The following MIA3 variants were observed in gnomAD, a reference collection of about 807,000 sequenced individuals.
The protein encoded by MIA3 is transport and Golgi organization protein 1 homolog.
In MIA3, 90 loss-of-function variants were observed where a neutral mutation model predicts 192.4. The observed-to-expected ratio is 0.47, with a 90% CI of 0.39 to 0.56. The LOEUF is 0.56. Ranked by LOEUF, MIA3 falls within the 20% of genes least tolerant of loss-of-function variation. MIA3 has a pLI of 0.00. For missense variants in MIA3, 2,123 were observed against 2,269.4 expected, an observed-to-expected ratio of 0.94 and a Z score of 1.31; for synonymous variants, 740 against 792.8, an observed-to-expected ratio of 0.93 and a Z score of 1.12.
rs1200448086 is a variant in MIA3 at position 222,652,348 on chromosome 1, T to A, written c.4086+16T>A. 6.5e-7 allele frequency: 1 copy of A among 1,530,080 alleles called. No homozygotes were observed. The highest frequency in any genetic ancestry group is 9.1e-7 in the Non-Finnish European group (1 of 1,103,822). 94.8% of individuals were successfully genotyped at this position (1,530,080 alleles called of 1,614,324 possible). A position where few individuals can be genotyped will look rare whatever the true frequency, so the allele number is the denominator to read the frequency against. On this transcript the variant is annotated intron_variant, in intron 13 of 27. Transcript: ENST00000344922. ...AAAAGAGCAGGTAAAGGAAAGTGCG[T>A]GTCCCAGGTCATGTAAAATAGAGAA...
At chr1:222,644,162 T>C (rs1282682194) in intron 6 of MIA3, 6 of 566,338 alleles carry the variant, frequency 1.1e-5, no homozygotes, top group African/African-American at 7.7e-5. Context: ...CACTTCCGCC[T>C]CTTTTTACTG....
At chr1:222,635,859 A>G (rs1407657763) in intron 6 of MIA3, among the ~76,000 whole-genome samples, 3 of 152,182 alleles carry the variant, frequency 2.0e-5, no homozygotes, top group African/African-American at 4.8e-5. Context: ...ACCGGTTCCT[A>G]GTGTAAGCCG....
intron 20 of MIA3, 42 bp downstream of exon 20, chr1:222,659,555 T>C: frequency 2.5e-6 from 4 of 1,611,730 alleles, no homozygotes; most frequent in Non-Finnish European, 3.4e-6. Context: ...CCGGAATTCT[T>C]TGATAACTAA....
At position 222,629,933 on chromosome 1, in the gene MIA3, C is replaced by T. The variant is rs1662318028; in HGVS notation, c.2713C>T (p.His905Tyr). ...TGCAGAACCTGAAGATGACTCGTTCCACTGGACTCCACATACAAGTGTAGA... is the reference window on the plus strand; with the variant it reads ...TGCAGAACCTGAAGATGACTCGTTCTACTGGACTCCACATACAAGTGTAGA... ...AAAEPEDDSF[H>Y]WTPHTSVEPG... is the part of the protein sequence containing the mutation. The change falls in exon 4 of 28, where the codon CAC (histidine) becomes TAC (tyrosine). Residue 905 changes from histidine to tyrosine, a missense_variant. This residue lies in a region of MIA3 where 1,357 missense variants were observed against 1,396.1 expected (regional missense o/e 0.97). Transcript: ENST00000344922. 6 of 1,613,988 alleles carry T rather than the reference C, an allele frequency of 3.7e-6. No homozygotes were observed. The African/African-American group carries it at 5.3e-5, about 14-fold the overall frequency.
chr1:222,649,214 T>C (rs538967842), intron 8 of MIA3: 54 of 162,686 alleles, frequency 3.3e-4, no homozygotes, highest in Admixed American at 3.8e-4. Flanking sequence ...GAAATATAAA[T>C]CAGCACGCCT....
At chr1:222,649,087 G>T (rs928437827) in intron 8 of MIA3, among the ~76,000 whole-genome samples, 8 of 152,060 alleles carry the variant, frequency 5.3e-5, no homozygotes, top group African/African-American at 1.9e-4. Flanking sequence ...ATTAATTTGG[G>T]GCAGATTGAC....
At chr1:222,648,765 G>A in intron 7 of MIA3, 64 bp from the exon 8 acceptor site, 1 of 937,168 alleles carries the variant, frequency 1.1e-6, no homozygotes, top group East Asian at 2.5e-5. Context: ...AGTTGTATTA[G>A]AAACTATATA....
At chr1:222,651,899 TTTC>T (rs1663457298) in intron 11 of MIA3, 75 bp from the exon 12 acceptor site, 10 of 840,790 alleles carry the variant, frequency 1.2e-5, no homozygotes, top group Middle Eastern at 2.5e-4. Flanking sequence ...TTTGTTGATG[TTTC>T]TTCTTCTTAG....
chr1:222,628,783 T>C lies in MIA3; in HGVS notation c.1563T>C (p.Tyr521=). 2.5e-6 allele frequency: 4 copies of C among 1,614,094 alleles called. No individual in the cohort carries two copies. Among genetic ancestry groups the C allele is most frequent in the Non-Finnish European group, 3.4e-6 (4 of 1,180,030 alleles). ...EKGKDTLKSA[Y]DDTENDLKGA... Reference sequence around the variant, plus strand: ...GTAAAGACACATTAAAATCAGCTTATGATGATACAGAAAATGACCTAAAAG... The same window carrying C: ...GTAAAGACACATTAAAATCAGCTTACGATGATACAGAAAATGACCTAAAAG... Residue 521 remains tyrosine (Y), a synonymous_variant, in exon 4 of 28, where the codon TAT becomes TAC. Transcript: ENST00000344922.
At chr1:222,648,724 T>C (rs758712678) in intron 7 of MIA3, 105 bp from the exon 8 acceptor site, 69 of 741,568 alleles carry the variant, frequency 9.3e-5, no homozygotes, top group Non-Finnish European at 1.3e-4. Context: ...ACCAAAGTTT[T>C]ATTAAATTCT....
chr1:222,664,237 C>T, intron 27 of MIA3, 89 bp downstream of exon 27: 1 of 1,386,438 alleles, frequency 7.2e-7, no homozygotes, highest in Non-Finnish European at 1.0e-6. Context: ...AATTGCGGGG[C>T]TTTGCAATGC....
chr1:222,641,377 A>G, intron 6 of MIA3: 1 of 377,876 alleles, frequency 2.6e-6, no homozygotes, highest in Non-Finnish European at 5.2e-6. Context: ...GCCATGCCCA[A>G]GGGGTATCCC....
rs527315526 is a variant in MIA3 at position 222,626,529 on chromosome 1, C to A, written c.355-1046C>A. The stretch of plus-strand genomic sequence containing the variant: ...AAAGTTATCTTTGTTGGTTTTTTAA[C>A]TTTTCCATCATTTTATGGCTCCTTG... On this transcript the variant is annotated intron_variant, in intron 3 of 27. Coordinates refer to ENST00000344922, the MANE Select transcript of MIA3 (RefSeq NM_198551.4). Among the ~76,000 whole-genome samples the A allele has an allele frequency of 4.1e-4, 63 of 152,274 alleles. No individual in the cohort carries two copies. The East Asian group carries it at 0.011, about 28-fold the overall frequency.
At chr1:222,634,234 T>C (rs891301630) in intron 6 of MIA3, among the ~76,000 whole-genome samples, 1 of 151,940 alleles carries the variant, frequency 6.6e-6, no homozygotes, top group Non-Finnish European at 1.5e-5. Flanking sequence ...GGCAGGAGAA[T>C]AGCTTGAGCC....
intron 6 of MIA3, among the ~76,000 whole-genome samples, chr1:222,637,911 G>A (rs917868308): frequency 6.6e-5 from 10 of 151,862 alleles, no homozygotes; most frequent in Non-Finnish European, 1.5e-4. Context: ...CAAAATCCTG[G>A]GCTCAAGTAA....
chr1:222,656,056 G>A (rs866000395), intron 18 of MIA3, among the ~76,000 whole-genome samples: 82 of 132,144 alleles, frequency 6.2e-4, no homozygotes, highest in African/African-American at 1.9e-3. Context: ...TGCAAGCTCC[G>A]CCTCCCAGGT....
intron 6 of MIA3, chr1:222,644,499 G>T: frequency 1.9e-6 from 3 of 1,550,614 alleles, no homozygotes; most frequent in Non-Finnish European, 2.6e-6. Flanking sequence ...CTGCCACTGT[G>T]CCTTCTATCG....
intron 4 of MIA3, among the ~76,000 whole-genome samples, chr1:222,631,053 T>C (rs1662376225): frequency 6.6e-6 from 1 of 151,952 alleles, no homozygotes; most frequent in African/African-American, 2.4e-5. Context: ...CTTTTCTCTT[T>C]CTTTTCTTTT....
chr1:222,652,426 A>G (rs1663489672), intron 13 of MIA3, 94 bp downstream of exon 13: 12 of 805,192 alleles, frequency 1.5e-5, no homozygotes, highest in Middle Eastern at 2.3e-4. Flanking sequence ...TTAGGGTAAT[A>G]TATGTGCAGG....
Sources: allele counts gnomAD v4.1 joint callset (sites outside exome capture counted in the v4.1 genomes callset), GRCh38; gene constraint gnomAD v4.1.1; regional missense constraint gnomAD v4.1.1; transcripts MANE v1.5; gene names NCBI Gene and HGNC (gene_info 2026-07-23, HGNC 2026-07-21).